NRG3: variants seen among roughly 807,000 people sequenced by gnomAD.
The protein encoded by NRG3 is neuregulin 3.
In NRG3, 31 loss-of-function variants were observed where a neutral mutation model predicts 66.9. That is an observed-to-expected ratio of 0.46 (90% CI 0.35 to 0.63). The LOEUF (loss-of-function observed/expected upper bound fraction) is 0.63, where lower values mean the gene tolerates loss of function less well. NRG3 is among the 20% of genes least tolerant of loss of function. The pLI is 0.00. For synonymous variants in NRG3, 393 were observed against 359.4 expected (o/e 1.09, Z -1.06); for missense variants, 910 against 878.9 (o/e 1.04, Z -0.45).
At chr10:82,049,866 A>T (rs1255542661) in intron 1 of NRG3, among the ~76,000 whole-genome samples, 3 of 152,070 alleles carry the variant, frequency 2.0e-5, no homozygotes, top group Non-Finnish European at 2.9e-5. Flanking sequence ...AAAATCCATA[A>T]AATTAAAAAT....
At chr10:82,764,374 ATTT>A (rs58671270) in intron 3 of NRG3, among the ~76,000 whole-genome samples, 7,228 of 134,330 alleles carry the variant, frequency 0.054, 395 homozygotes, top group African/African-American at 0.15. Context: ...CCCTATGCAA[ATTT>A]TTTTTTTTTT....
chr10:82,538,464 T>TAC (rs1443492690), intron 2 of NRG3, among the ~76,000 whole-genome samples: 1 of 152,214 alleles, frequency 6.6e-6, no homozygotes, highest in East Asian at 1.9e-4. Flanking sequence ...TGCTTTTCCT[T>TAC]TTAAAATATC....
intron 8 of NRG3, among the ~76,000 whole-genome samples, chr10:82,983,305 T>C (rs561296400): frequency 6.6e-6 from 1 of 152,338 alleles, no homozygotes; most frequent in African/African-American, 2.4e-5. Context: ...TTACTTCTTG[T>C]TGAAATTGAT....
intron 1 of NRG3, among the ~76,000 whole-genome samples, chr10:82,253,492 C>G (rs568609287): frequency 1.3e-5 from 2 of 152,140 alleles, no homozygotes; most frequent in African/African-American, 4.8e-5. Flanking sequence ...ATTTTTCTTT[C>G]GAGCTCACTC....
chr10:82,158,930 A>C (rs1022790414), intron 1 of NRG3, among the ~76,000 whole-genome samples: 2 of 151,914 alleles, frequency 1.3e-5, no homozygotes, highest in Non-Finnish European at 2.9e-5. Flanking sequence ...GGTGTGAAAA[A>C]TACATGACAA....
At chr10:82,934,812 A>G (rs1175904220) in intron 4 of NRG3, among the ~76,000 whole-genome samples, 1 of 152,252 alleles carries the variant, frequency 6.6e-6, no homozygotes, top group African/African-American at 2.4e-5. Context: ...CAAAAGTATC[A>G]CTTGACTCAA....
chr10:81,941,835 T>G (rs749159658), intron 1 of NRG3, among the ~76,000 whole-genome samples: 8 of 152,092 alleles, frequency 5.3e-5, no homozygotes, highest in African/African-American at 1.7e-4. Context: ...ATCCATCCTC[T>G]TTCAACCACA....
At chr10:82,886,423 C>A (rs576156083) in intron 4 of NRG3, among the ~76,000 whole-genome samples, 1 of 152,162 alleles carries the variant, frequency 6.6e-6, no homozygotes, top group African/African-American at 2.4e-5. Flanking sequence ...AATTCTGAGC[C>A]TTTTTATAAA....
intron 1 of NRG3, among the ~76,000 whole-genome samples, chr10:82,184,231 ATGTC>A (rs1303964845): frequency 6.6e-6 from 1 of 152,124 alleles, no homozygotes; most frequent in East Asian, 1.9e-4. Context: ...TATAAAATCA[ATGTC>A]TGATAAAACT....
chr10:82,555,279 C>A (rs778337544), intron 2 of NRG3, among the ~76,000 whole-genome samples: 2 of 152,102 alleles, frequency 1.3e-5, no homozygotes, highest in Admixed American at 6.6e-5. Flanking sequence ...GTGGCAAATT[C>A]TCAATGCTAT....
chr10:82,369,559 C>T (rs2084755309), intron 2 of NRG3, among the ~76,000 whole-genome samples: 1 of 138,288 alleles, frequency 7.2e-6, no homozygotes, highest in South Asian at 2.1e-4. Flanking sequence ...CTTGGCTTCC[C>T]AAAGTGCTGG....
intron 1 of NRG3, among the ~76,000 whole-genome samples, chr10:81,944,985 C>G (rs1454490450): frequency 6.6e-6 from 1 of 152,034 alleles, no homozygotes; most frequent in Non-Finnish European, 1.5e-5. Flanking sequence ...TTCCACTGCC[C>G]CTGAGCTCTA....
At chr10:82,586,112 C>T (rs143709988) in intron 2 of NRG3, among the ~76,000 whole-genome samples, 1,761 of 152,084 alleles carry the variant, frequency 0.012, 11 homozygotes, top group Admixed American at 0.017. Context: ...GAAAAACAAA[C>T]TGTTGGGTAC....
intron 7 of NRG3, among the ~76,000 whole-genome samples, chr10:82,974,795 A>G (rs1240389222): frequency 6.6e-6 from 1 of 152,244 alleles, no homozygotes; most frequent in Non-Finnish European, 1.5e-5. Flanking sequence ...ATGCTGGGCA[A>G]TAGTTTGCAC....
At chr10:82,295,967 T>C (rs1339513493) in intron 1 of NRG3, among the ~76,000 whole-genome samples, 3 of 152,040 alleles carry the variant, frequency 2.0e-5, no homozygotes, top group Non-Finnish European at 4.4e-5. Flanking sequence ...AAAATTACTA[T>C]AGTAAGTGCT....
At chr10:81,973,833 A>G (rs1189598596) in intron 1 of NRG3, among the ~76,000 whole-genome samples, 1 of 152,140 alleles carries the variant, frequency 6.6e-6, no homozygotes, top group Non-Finnish European at 1.5e-5. Context: ...ATAGTTTGCA[A>G]AAATTTTCTC....
At chr10:82,645,127 A>C (rs2050846051) in intron 2 of NRG3, among the ~76,000 whole-genome samples, 1 of 152,086 alleles carries the variant, frequency 6.6e-6, no homozygotes, top group African/African-American at 2.4e-5. Flanking sequence ...CATCTTAATG[A>C]GTCAGAAGTA....
At chr10:82,379,614 CTT>C (rs1460775202) in intron 2 of NRG3, among the ~76,000 whole-genome samples, 12 of 152,054 alleles carry the variant, frequency 7.9e-5, no homozygotes, top group African/African-American at 2.9e-4. Context: ...AATATTCACT[CTT>C]ATGAAATTTT....
chr10:82,538,442 C>T (rs372401728), intron 2 of NRG3, among the ~76,000 whole-genome samples: 1 of 152,094 alleles, frequency 6.6e-6, no homozygotes, highest in African/African-American at 2.4e-5. Context: ...TAATTAAGAC[C>T]AGAGTTCTGT....
Sources: allele counts gnomAD v4.1 joint callset (sites outside exome capture counted in the v4.1 genomes callset), GRCh38; gene constraint gnomAD v4.1.1; transcripts MANE v1.5; gene names NCBI Gene and HGNC (gene_info 2026-07-23, HGNC 2026-07-21).